The following ACIN1 variants were observed in gnomAD, a reference collection of about 807,000 sequenced individuals.
The protein encoded by ACIN1 is apoptotic chromatin condensation inducer 1, also known as apoptotic chromatin condensation inducer in the nucleus.
ACIN1 carries 16 observed loss-of-function variants against 146.6 expected under a neutral mutation model. The ratio of observed to expected loss-of-function variants is 0.11; its 90% CI spans 0.07 to 0.17. The LOEUF (loss-of-function observed/expected upper bound fraction) is 0.17, where lower values mean the gene tolerates loss of function less well. Among genes scored for constraint, ACIN1 ranks in the 10% least tolerant of loss-of-function variants. ACIN1 has a pLI of 1.00. For synonymous variants in ACIN1, 569 were observed against 582.7 expected, an observed-to-expected ratio of 0.98 and a Z score of 0.34; for missense variants, 1,357 against 1,609.3, an observed-to-expected ratio of 0.84 and a Z score of 2.68.
Position 23,059,372 on chromosome 14 carries a change from C to T in ACIN1, c.3628G>A (p.Glu1210Lys), listed in dbSNP as rs767123817. 6.2e-7 allele frequency: 1 copy of T among 1,613,576 alleles called. No homozygotes were observed. ...TCCAGCTGTCGGTTCCGTTCCCGCT[C>T]GGCTTCCTTCTCCCGCTCCTTTTGC... Reference protein sequence around the residue: ...EEQKEREKEAERERNRQLERE... With the variant: ...EEQKEREKEAKRERNRQLERE... Residue 1210 changes from glutamate to lysine, a missense_variant, in exon 19 of 19, where the codon GAG becomes AAG. By Grantham distance (56) the Glu-to-Lys change is moderately conservative. Around this residue, in one of 4 missense-constraint regions of ACIN1, gnomAD observed 509 missense variants for 719.6 expected, o/e 0.71. Transcript: ENST00000605057.
At chr14:23,083,499 G>A (rs1229788602) in intron 4 of ACIN1, among the ~76,000 whole-genome samples, 2 of 152,172 alleles carry the variant, frequency 1.3e-5, no homozygotes, top group Non-Finnish European at 2.9e-5. Context: ...TTGAGAGGTC[G>A]AGGCAGGCGG....
intron 9 of ACIN1, 121 bp from the exon 10 acceptor site, chr14:23,066,129 G>A (rs957955602): frequency 4.3e-6 from 3 of 697,484 alleles, no homozygotes; most frequent in Non-Finnish European, 7.2e-6. Flanking sequence ...GAGTGAGAGA[G>A]AGAGACAGAG....
chr14:23,059,977 T>TTTTTA (rs2047224091), intron 18 of ACIN1, among the ~76,000 whole-genome samples: 1 of 140,936 alleles, frequency 7.1e-6, no homozygotes, highest in African/African-American at 2.7e-5. Context: ...TTTTTTTTTT[T>TTTTTA]GAGACAGTCT....
At chr14:23,059,965 T>TG in intron 18 of ACIN1, among the ~76,000 whole-genome samples, 1 of 139,698 alleles carries the variant, frequency 7.2e-6, no homozygotes, top group East Asian at 2.1e-4. Flanking sequence ...AGTTTTTTTT[T>TG]TTTTTTTTTT....
At chr14:23,089,842 A>C in intron 4 of ACIN1, 140 bp downstream of exon 4, 1 of 1,204,814 alleles carries the variant, frequency 8.3e-7, no homozygotes, top group Non-Finnish European at 1.1e-6. Flanking sequence ...ACTTTCCATG[A>C]GAAACAGATG....
chr14:23,073,401 T>G (rs554103495), intron 8 of ACIN1, among the ~76,000 whole-genome samples: 64 of 152,340 alleles, frequency 4.2e-4, no homozygotes, highest in Non-Finnish European at 5.9e-4. Flanking sequence ...ATTTTTTGGC[T>G]GGGCATGGTG....
chr14:23,069,156 G>C, intron 9 of ACIN1: 1 of 1,047,230 alleles, frequency 9.5e-7, no homozygotes, highest in Non-Finnish European at 1.1e-6. Context: ...ACCAGGAGAA[G>C]CTTGGGAAGA....
chr14:23,061,256 C>T (rs755083998), intron 17 of ACIN1, 42 bp downstream of exon 17: 8 of 1,613,792 alleles, frequency 5.0e-6, no homozygotes, highest in Non-Finnish European at 6.8e-6. Flanking sequence ...GTCCCTTTCC[C>T]ACCTACTAGT....
rs1429223618 is a variant in ACIN1, at chr14:23,069,517, C to T, written c.2224G>A (p.Asp742Asn). 3.1e-6 allele frequency: 5 copies of T among 1,614,058 alleles called. No individual in the cohort carries two copies. The highest frequency in any genetic ancestry group is 4.2e-6 in the Non-Finnish European group (5 of 1,179,982). The change falls in exon 9 of 19, where the codon GAC (aspartate) becomes AAC (asparagine). Residue 742 changes from aspartate to asparagine, a missense_variant. By Grantham distance (23) the Asp-to-Asn change is conservative (BLOSUM62 1). Coordinates refer to ENST00000605057, the MANE Select transcript of ACIN1 (RefSeq NM_001386863.1). ...MPIADQVSND[D>N]RPEGSVEDEE... ...TCTTCAACACTGCCCTCCGGGCGGT[C>T]ATCATTGCTGACTTGGTCTGCAATA...
At chr14:23,084,673 A>G (rs2048042758) in intron 4 of ACIN1, among the ~76,000 whole-genome samples, 1 of 152,084 alleles carries the variant, frequency 6.6e-6, no homozygotes, top group Non-Finnish European at 1.5e-5. Flanking sequence ...AAGACTACAC[A>G]TATTTTGTAA....
At chr14:23,073,208 C>G (rs999666375) in intron 8 of ACIN1, among the ~76,000 whole-genome samples, 1 of 152,244 alleles carries the variant, frequency 6.6e-6, no homozygotes, top group Non-Finnish European at 1.5e-5. Context: ...GCTACTTTAT[C>G]TGCCCCCCAT....
rs774345851 is a variant in ACIN1, at chr14:23,078,880, C to T, written c.1947G>A (p.Arg649=). ...TSTSSSSVQA[R]RLSQPESAEK... is the part of the protein sequence containing the mutation. ...CAGCTGATTCAGGCTGACTCAGACG[C>T]CTTGCTTGGACAGAGGATGAGGAGG... is the stretch of plus-strand genomic sequence containing the variant. Residue 649 remains arginine (R), a synonymous_variant, in exon 7 of 19, where the codon AGG becomes AGA. Coordinates refer to ENST00000605057, the MANE Select transcript of ACIN1 (RefSeq NM_001386863.1). 2 of 1,613,766 alleles carry T rather than the reference C, an allele frequency of 1.2e-6. No homozygotes were observed. The highest frequency in any genetic ancestry group is 1.7e-5 in the Admixed American group (1 of 60,004).
Position 23,079,023 on chromosome 14 carries a change from C to G in ACIN1, c.1804G>C (p.Val602Leu). Residue 602 changes from valine to leucine, a missense_variant, in exon 7 of 19, where the codon GTC becomes CTC. Coordinates refer to ENST00000605057, the MANE Select transcript of ACIN1 (RefSeq NM_001386863.1). Reference sequence around the variant, plus strand: ...TAGCTGGTGCTGCTGTCCCTGGAGACTCCAGGGCTCAGAGACTAAAACAAA... The same window carrying G: ...TAGCTGGTGCTGCTGTCCCTGGAGAGTCCAGGGCTCAGAGACTAAAACAAA... ...SNSRKSLSPGVSRDSSTSYTE... is the reference protein window; with the variant it reads ...SNSRKSLSPGLSRDSSTSYTE... The G allele has an allele frequency of 6.2e-7, 1 of 1,614,064 alleles. No homozygotes were observed. The highest frequency in any genetic ancestry group is 8.5e-7 in the Non-Finnish European group (1 of 1,179,956).
intron 4 of ACIN1, among the ~76,000 whole-genome samples, chr14:23,082,950 G>A (rs1180385904): frequency 1.3e-5 from 2 of 151,454 alleles, no homozygotes; most frequent in Non-Finnish European, 2.9e-5. Context: ...ATGTTGCCTA[G>A]GCTGGTTCGA....
intron 18 of ACIN1, among the ~76,000 whole-genome samples, chr14:23,060,361 T>A (rs756364455): frequency 1.6e-4 from 24 of 152,186 alleles, no homozygotes; most frequent in Admixed American, 2.6e-4. Flanking sequence ...TCAGCGTAGA[T>A]GTGAACAAAT....
At chr14:23,079,405 G>C in intron 6 of ACIN1, 142 bp downstream of exon 6, 1 of 1,385,832 alleles carries the variant, frequency 7.2e-7, no homozygotes. Flanking sequence ...ATTCTGAAAT[G>C]AGGAGAAAGT....
intron 18 of ACIN1, among the ~76,000 whole-genome samples, chr14:23,060,802 C>G (rs1312010726): frequency 6.6e-6 from 1 of 152,216 alleles, no homozygotes; most frequent in Non-Finnish European, 1.5e-5. Context: ...TGAGCCACCA[C>G]GCACGGCCTA....
At position 23,067,179 on chromosome 14, in the gene ACIN1, CAAATAAAT is replaced by C; in HGVS notation, c.2266-1179_2266-1172del. 1.5e-6 allele frequency: 1 copy of C among 664,508 alleles called. No homozygotes were observed. Among genetic ancestry groups the C allele is most frequent in the South Asian group, 6.8e-5 (1 of 14,710 alleles). 41.2% of individuals were successfully genotyped at this position (664,508 alleles called of 1,614,324 possible). ...TAATTAAAACAGGAAAAACATGAAC[CAAATAAAT>C]AAATAAAAGAAATCAGAAAAAATAA... On this transcript the variant is annotated intron_variant, in intron 9 of 18. Coordinates refer to ENST00000605057, the MANE Select transcript of ACIN1 (RefSeq NM_001386863.1). This position sits in a 1 kb window ranked among gnomAD's most constrained non-coding sequence, Gnocchi z 4.6.
chr14:23,090,574 C>T lies in ACIN1; in HGVS notation c.264G>A (p.Glu88=). The change falls in exon 3 of 19, where the codon GAG becomes GAA. Residue 88 remains glutamate (E), a synonymous_variant. Transcript: ENST00000605057. ...CACGTTCCAGACGCTGCCTAAGTAGCTCCTGCTGCTTTTCCAGATACTGTT... is the reference window on the plus strand; with the variant it reads ...CACGTTCCAGACGCTGCCTAAGTAGTTCCTGCTGCTTTTCCAGATACTGTT... ...FIKQYLEKQQ[E]LLRQRLEREA... The T allele has an allele frequency of 6.2e-7, 1 of 1,614,116 alleles. No homozygotes were observed. Among genetic ancestry groups the T allele is most frequent in the Non-Finnish European group, 8.5e-7 (1 of 1,179,984 alleles).
Sources: gnomAD v4.1 joint callset for allele counts (sites outside exome capture counted in the v4.1 genomes callset) on GRCh38, gnomAD v4.1.1 for gene constraint, gnomAD v4.1.1 regional missense constraint, Gnocchi (gnomAD v3.1) non-coding constraint, MANE v1.5 for transcripts, NCBI Gene and HGNC (gene_info 2026-07-23, HGNC 2026-07-21) for gene names.